KIF6: variants seen among roughly 807,000 people sequenced by gnomAD.
KIF6 encodes kinesin family member 6, also known as kinesin-like protein KIF6.
Under a neutral mutation model 112.7 loss-of-function variants are expected in KIF6, and 106 were observed. That is an observed-to-expected ratio of 0.94 (90% CI 0.80 to 1.11). The LOEUF (loss-of-function observed/expected upper bound fraction) is 1.11, where lower values mean the gene tolerates loss of function less well. Among genes scored for constraint, KIF6 ranks in the 50% least tolerant of loss-of-function variants. The pLI, the probability that KIF6 is intolerant of heterozygous loss-of-function variation, is 0.00. For synonymous variants in KIF6, 339 were observed against 339.9 expected (o/e 1.00, Z 0.03); for missense variants, 929 against 964.0 (o/e 0.96, Z 0.48).
At chr6:39,523,523 C>A (rs1777513671) in intron 13 of KIF6, among the ~76,000 whole-genome samples, 3 of 151,108 alleles carry the variant, frequency 2.0e-5, no homozygotes, top group African/African-American at 7.3e-5. Flanking sequence ...ACAATCCAAC[C>A]CAACCAAATG....
At chr6:39,385,337 G>A (rs1430116271) in intron 16 of KIF6, among the ~76,000 whole-genome samples, 4 of 152,152 alleles carry the variant, frequency 2.6e-5, no homozygotes, top group Non-Finnish European at 5.9e-5. Flanking sequence ...GACACAGTGG[G>A]TGAATTTAGG....
intron 13 of KIF6, among the ~76,000 whole-genome samples, chr6:39,464,315 A>G (rs1773660589): frequency 6.6e-6 from 1 of 152,176 alleles, no homozygotes; most frequent in Non-Finnish European, 1.5e-5. Context: ...CTAAACGAAA[A>G]CATATTTATT....
intron 13 of KIF6, among the ~76,000 whole-genome samples, chr6:39,511,520 G>A (rs879057977): frequency 6.6e-6 from 1 of 152,172 alleles, no homozygotes; most frequent in African/African-American, 2.4e-5. Flanking sequence ...CAACCATTGT[G>A]GAAGACAGTG....
At chr6:39,661,744 T>C (rs1272030253) in intron 3 of KIF6, among the ~76,000 whole-genome samples, 1 of 152,098 alleles carries the variant, frequency 6.6e-6, no homozygotes, top group Non-Finnish European at 1.5e-5. Context: ...TAAAGGCCCT[T>C]TCCGTGAAAA....
In KIF6 at chr6:39,331,687, C is replaced by CCT. The variant is rs1251570770; in HGVS notation, c.*4843_*4844dup. ...CGTGAGCCACCATGCCTGGCTTGTC[C>CCT]CTCTCCTTCGTTAGAAGGTTCCAAG... On this transcript the variant is annotated 3_prime_UTR_variant, in exon 23 of 23. Coordinates refer to ENST00000287152, the MANE Select transcript of KIF6 (RefSeq NM_145027.6). The CCT allele has an allele frequency of 6.6e-6, 1 of 152,156 alleles. No homozygotes were observed. The highest frequency in any genetic ancestry group is 1.5e-5 in the Non-Finnish European group (1 of 68,048). The allele number at this position is 152,156 out of a possible 1,614,324, so 9.4% of individuals were successfully genotyped here. A position where few individuals can be genotyped will look rare whatever the true frequency, so the allele number is the denominator to read the frequency against.
rs190854416 is a variant in KIF6, at chr6:39,559,709, C to A, written c.1182-14021G>T. ...ATTTATTCAGAGCGTTTATTGACTG[C>A]CTATTGTCAACCAGGTGTTGGTTAT... On this transcript the variant is annotated intron_variant, in intron 10 of 22. Coordinates refer to ENST00000287152, the MANE Select transcript of KIF6 (RefSeq NM_145027.6). Among the ~76,000 whole-genome samples, 91 of 152,024 alleles carry A rather than the reference C, an allele frequency of 6.0e-4. No homozygotes were observed. The East Asian group carries it at 0.016, about 27-fold the overall frequency.
At chr6:39,405,070 T>A (rs1455245109) in intron 15 of KIF6, among the ~76,000 whole-genome samples, 1 of 152,016 alleles carries the variant, frequency 6.6e-6, no homozygotes, top group African/African-American at 2.4e-5. Flanking sequence ...AGACCTTGTA[T>A]CCTACAGTCT....
At chr6:39,667,138 A>G (rs1001780154) in intron 3 of KIF6, among the ~76,000 whole-genome samples, 1 of 152,196 alleles carries the variant, frequency 6.6e-6, no homozygotes, top group African/African-American at 2.4e-5. Flanking sequence ...AACCAATAGG[A>G]TATTTACATA....
intron 19 of KIF6, among the ~76,000 whole-genome samples, chr6:39,347,413 G>T (rs911155378): frequency 6.6e-6 from 1 of 152,220 alleles, no homozygotes; most frequent in East Asian, 1.9e-4. Flanking sequence ...TGACATGTGC[G>T]CCTTGCCTTG....
At chr6:39,372,865 T>C (rs1423299743) in intron 16 of KIF6, among the ~76,000 whole-genome samples, 1 of 152,184 alleles carries the variant, frequency 6.6e-6, no homozygotes, top group East Asian at 1.9e-4. Context: ...CCATCATTTG[T>C]ATTTCAGCAC....
intron 5 of KIF6, among the ~76,000 whole-genome samples, chr6:39,628,722 T>C (rs1784214325): frequency 6.6e-6 from 1 of 152,168 alleles, no homozygotes; most frequent in South Asian, 2.1e-4. Flanking sequence ...ATTCTTTGTA[T>C]TGTAAATTCT....
intron 13 of KIF6, among the ~76,000 whole-genome samples, chr6:39,539,146 A>G (rs1415096940): frequency 6.6e-6 from 1 of 151,578 alleles, no homozygotes; most frequent in African/African-American, 2.4e-5. Flanking sequence ...GCAGCACACC[A>G]GCATGGCACA....
chr6:39,519,440 A>T (rs1307545618), intron 13 of KIF6, among the ~76,000 whole-genome samples: 1 of 152,212 alleles, frequency 6.6e-6, no homozygotes, highest in Non-Finnish European at 1.5e-5. Context: ...ATGTAGCAAC[A>T]AAATGTTCAA....
intron 5 of KIF6, among the ~76,000 whole-genome samples, chr6:39,626,374 A>G: frequency 6.6e-6 from 1 of 152,166 alleles, no homozygotes; most frequent in South Asian, 2.1e-4. Context: ...AAAGAAACCT[A>G]GAAACCACAG....
At chr6:39,377,969 T>C (rs1766585760) in intron 16 of KIF6, among the ~76,000 whole-genome samples, 1 of 152,098 alleles carries the variant, frequency 6.6e-6, no homozygotes, top group Non-Finnish European at 1.5e-5. Context: ...GTAGTATTCG[T>C]GGGGGAATCT....
chr6:39,388,323 C>T (rs1767591874), intron 15 of KIF6, among the ~76,000 whole-genome samples: 1 of 151,262 alleles, frequency 6.6e-6, no homozygotes, highest in Non-Finnish European at 1.5e-5. Flanking sequence ...AAGGATTCTC[C>T]ACTGCCCCTG....
intron 4 of KIF6, among the ~76,000 whole-genome samples, chr6:39,635,857 T>G (rs1213539299): frequency 6.6e-6 from 1 of 152,096 alleles, no homozygotes; most frequent in Non-Finnish European, 1.5e-5. Flanking sequence ...AATGCTTCCA[T>G]TTCCGCAAAT....
intron 15 of KIF6, among the ~76,000 whole-genome samples, chr6:39,419,127 G>A (rs966650406): frequency 6.6e-6 from 1 of 152,100 alleles, no homozygotes; most frequent in African/African-American, 2.4e-5. Flanking sequence ...GCCGAGGTGG[G>A]TGGATCACTT....
At chr6:39,607,681 C>G (rs1018226781) in intron 6 of KIF6, among the ~76,000 whole-genome samples, 19 of 152,168 alleles carry the variant, frequency 1.2e-4, no homozygotes, top group African/African-American at 4.3e-4. Flanking sequence ...CTGCCTCAGC[C>G]TTCTGAGCAG....
Sources: allele counts gnomAD v4.1 joint callset (sites outside exome capture counted in the v4.1 genomes callset), GRCh38; gene constraint gnomAD v4.1.1; transcripts MANE v1.5; gene names NCBI Gene and HGNC (gene_info 2026-07-23, HGNC 2026-07-21).